EFNA5: variants seen among roughly 807,000 people sequenced by gnomAD.
EFNA5 encodes ephrin A5.
EFNA5 carries 5 observed loss-of-function variants against 22.9 expected under a neutral mutation model. The observed-to-expected ratio is 0.22, with a 90% CI of 0.11 to 0.46. The LOEUF is 0.46. Among genes scored for constraint, EFNA5 ranks in the 20% least tolerant of loss-of-function variants. EFNA5 has a pLI of 0.99. For synonymous variants in EFNA5, 113 were observed against 112.2 expected (o/e 1.01, Z -0.04); for missense variants, 237 against 293.3 (o/e 0.81, Z 1.40).
intron 1 of EFNA5, among the ~76,000 whole-genome samples, chr5:107,527,739 A>G (rs1747726474): frequency 6.6e-6 from 1 of 152,178 alleles, no homozygotes. Flanking sequence ...CAGATGCCCA[A>G]CACCCAGATG....
At chr5:107,612,215 TG>T (rs1349296376) in intron 1 of EFNA5, among the ~76,000 whole-genome samples, 2 of 152,200 alleles carry the variant, frequency 1.3e-5, no homozygotes, top group African/African-American at 4.8e-5. Context: ...TGATGTTTCT[TG>T]GGAGGCAAAT....
At chr5:107,555,145 A>T (rs1456724008) in intron 1 of EFNA5, among the ~76,000 whole-genome samples, 1 of 152,252 alleles carries the variant, frequency 6.6e-6, no homozygotes, top group African/African-American at 2.4e-5. Context: ...AGCTTTAAAA[A>T]TAATGAGTCT....
chr5:107,412,669 T>C (rs1271344987), intron 2 of EFNA5, among the ~76,000 whole-genome samples: 1 of 152,188 alleles, frequency 6.6e-6, no homozygotes, highest in African/African-American at 2.4e-5. Context: ...AAATATTTTG[T>C]ACACGTTCAA....
intron 2 of EFNA5, among the ~76,000 whole-genome samples, chr5:107,409,063 G>A (rs1221232892): frequency 6.6e-6 from 1 of 152,164 alleles, no homozygotes; most frequent in African/African-American, 2.4e-5. Context: ...ATCTTCCAAG[G>A]GGTCAGGTTC....
intron 1 of EFNA5, among the ~76,000 whole-genome samples, chr5:107,430,720 G>A (rs560843579): frequency 2.6e-5 from 4 of 151,622 alleles, no homozygotes; most frequent in East Asian, 1.9e-4. Context: ...AGTGAATTAC[G>A]GTGGTACCTA....
intron 1 of EFNA5, among the ~76,000 whole-genome samples, chr5:107,497,971 A>G (rs1056018187): frequency 3.3e-5 from 5 of 152,212 alleles, no homozygotes; most frequent in African/African-American, 1.2e-4. Flanking sequence ...GCTGGAGTGC[A>G]GTGGCGCGAT....
intron 1 of EFNA5, among the ~76,000 whole-genome samples, chr5:107,657,667 G>C (rs1310618278): frequency 2.6e-5 from 4 of 152,114 alleles, no homozygotes; most frequent in Non-Finnish European, 5.9e-5. Flanking sequence ...AGTGGTCACT[G>C]TCCTGTTCAT....
intron 1 of EFNA5, among the ~76,000 whole-genome samples, chr5:107,665,298 T>G (rs186622410): frequency 6.6e-6 from 1 of 152,344 alleles, no homozygotes. Flanking sequence ...ACCAGGCCAG[T>G]GGACAGAATG....
In EFNA5 at chr5:107,427,338, T is replaced by C; in HGVS notation, c.297A>G (p.Arg99=). ...ACDHTSKGFK[R]WECNRPHSPN... ...GAGAGTGAGGCCGGTTACATTCCCA[T>C]CTCTTGAACCCTTTGGAAGTGTGGT... The change falls in exon 2 of 5, where the codon AGA becomes AGG. Residue 99 remains arginine, a synonymous_variant. Coordinates refer to ENST00000333274, the MANE Select transcript of EFNA5 (RefSeq NM_001962.3). 6.2e-7 allele frequency: 1 copy of C among 1,614,104 alleles called. No homozygotes were observed. The highest frequency in any genetic ancestry group is 8.5e-7 in the Non-Finnish European group (1 of 1,180,002).
At chr5:107,534,344 T>C (rs1346978857) in intron 1 of EFNA5, among the ~76,000 whole-genome samples, 3 of 152,224 alleles carry the variant, frequency 2.0e-5, no homozygotes, top group Non-Finnish European at 4.4e-5. Flanking sequence ...ACTGCTTCCA[T>C]GTAAACACAT....
chr5:107,453,392 C>T (rs549515751), intron 1 of EFNA5, among the ~76,000 whole-genome samples: 5 of 151,936 alleles, frequency 3.3e-5, no homozygotes, highest in Admixed American at 3.3e-4. Context: ...GTATTATTAC[C>T]AACTGGGTCT....
chr5:107,448,612 C>T (rs1273886893), intron 1 of EFNA5, among the ~76,000 whole-genome samples: 4 of 151,796 alleles, frequency 2.6e-5, no homozygotes, highest in African/African-American at 7.3e-5. Context: ...GGGCGGATCA[C>T]GAGATCAGGA....
At chr5:107,536,347 T>A (rs1410055351) in intron 1 of EFNA5, among the ~76,000 whole-genome samples, 1 of 152,230 alleles carries the variant, frequency 6.6e-6, no homozygotes, top group Non-Finnish European at 1.5e-5. Context: ...GCATCTGATA[T>A]TTTTTCTTTA....
rs1747332332 is a variant in EFNA5, at chr5:107,378,331, A to C, written c.*2924T>G. 1 of 152,016 alleles carries C rather than the reference A, an allele frequency of 6.6e-6. No individual in the cohort carries two copies. Among genetic ancestry groups the C allele is most frequent in the Admixed American group, 6.6e-5 (1 of 15,248 alleles). The allele number at this position is 152,016 out of a possible 1,614,324, so 9.4% of individuals were successfully genotyped here. ...GTATCCACTAAACAGACAGATCCTT[A>C]TTTCCCTGCTTGATGTTGCAAAGCC... On this transcript the variant is annotated 3_prime_UTR_variant, in exon 5 of 5. Transcript: ENST00000333274.
At chr5:107,478,849 T>C (rs1002386394) in intron 1 of EFNA5, among the ~76,000 whole-genome samples, 3 of 152,186 alleles carry the variant, frequency 2.0e-5, no homozygotes, top group African/African-American at 4.8e-5. Context: ...CTTACTAAAA[T>C]GAAACTTTTC....
chr5:107,556,781 T>C (rs983314649), intron 1 of EFNA5, among the ~76,000 whole-genome samples: 10 of 113,060 alleles, frequency 8.8e-5, no homozygotes, highest in Non-Finnish European at 1.7e-4. Flanking sequence ...AATAAATAAA[T>C]AAATAAATAA....
At chr5:107,533,695 T>C (rs1203139318) in intron 1 of EFNA5, among the ~76,000 whole-genome samples, 1 of 152,228 alleles carries the variant, frequency 6.6e-6, no homozygotes, top group African/African-American at 2.4e-5. Flanking sequence ...ATAAAAGGTA[T>C]GTTTTATGTA....
chr5:107,496,723 T>C (rs902999859), intron 1 of EFNA5, among the ~76,000 whole-genome samples: 1 of 152,194 alleles, frequency 6.6e-6, no homozygotes, highest in Admixed American at 6.5e-5. Flanking sequence ...CAACTTCCAT[T>C]AGTGGATGAC....
intron 1 of EFNA5, among the ~76,000 whole-genome samples, chr5:107,554,203 C>T (rs1748359196): frequency 6.6e-6 from 1 of 152,168 alleles, no homozygotes; most frequent in Non-Finnish European, 1.5e-5. Flanking sequence ...CATAACAGTT[C>T]ATTCACTGAG....
Sources: gnomAD v4.1 joint callset for allele counts (sites outside exome capture counted in the v4.1 genomes callset) on GRCh38, gnomAD v4.1.1 for gene constraint, MANE v1.5 for transcripts, NCBI Gene and HGNC (gene_info 2026-07-23, HGNC 2026-07-21) for gene names.